Variants in MACROD2 observed in about 807,000 individuals in gnomAD.
MACROD2 encodes the protein ADP-ribose glycohydrolase MACROD2.
MACROD2 carries 36 observed loss-of-function variants against 70.4 expected under a neutral mutation model. The observed-to-expected ratio is 0.51, with a 90% CI of 0.39 to 0.68. MACROD2 has a LOEUF of 0.68. Among genes scored for constraint, MACROD2 ranks in the 30% least tolerant of loss-of-function variants. The pLI, the probability that MACROD2 is intolerant of heterozygous loss-of-function variation, is 0.00. For missense variants in MACROD2, 496 were observed against 538.4 expected (o/e 0.92, Z 0.78); for synonymous variants, 172 against 178.8 (o/e 0.96, Z 0.30).
intron 5 of MACROD2, among the ~76,000 whole-genome samples, chr20:15,031,356 C>G (rs541008125): frequency 9.2e-5 from 14 of 152,134 alleles, no homozygotes; most frequent in Non-Finnish European, 2.1e-4. Context: ...GTGTTTCAGC[C>G]CTGTTTGTGT....
At chr20:16,030,058 G>C (rs566687877) in intron 15 of MACROD2, among the ~76,000 whole-genome samples, 1 of 152,272 alleles carries the variant, frequency 6.6e-6, no homozygotes, top group African/African-American at 2.4e-5. Context: ...GGCTAAGAAA[G>C]AAAACAGCAA....
At chr20:15,744,027 C>T (rs2051143877) in intron 8 of MACROD2, among the ~76,000 whole-genome samples, 1 of 152,138 alleles carries the variant, frequency 6.6e-6, no homozygotes. Flanking sequence ...CCTTCTTTTC[C>T]ACCAGAGCTA....
At chr20:15,626,954 C>T (rs2049212439) in intron 8 of MACROD2, among the ~76,000 whole-genome samples, 1 of 151,798 alleles carries the variant, frequency 6.6e-6, no homozygotes, top group Non-Finnish European at 1.5e-5. Context: ...AATTCTAAAG[C>T]ATGAGAGAGA....
intron 5 of MACROD2, among the ~76,000 whole-genome samples, chr20:14,981,505 C>A (rs537021761): frequency 6.7e-6 from 1 of 149,898 alleles, no homozygotes; most frequent in Non-Finnish European, 1.5e-5. Context: ...ATGATTTGGC[C>A]GTGTCCCCAC....
chr20:14,327,239 G>C (rs777008938), intron 3 of MACROD2: 2 of 1,613,668 alleles, frequency 1.2e-6, no homozygotes, highest in Non-Finnish European at 1.7e-6. Flanking sequence ...TTGTGGTATA[G>C]GTATATTCTT....
intron 4 of MACROD2, among the ~76,000 whole-genome samples, chr20:14,638,248 A>C (rs1349299158): frequency 6.6e-6 from 1 of 152,178 alleles, no homozygotes; most frequent in Non-Finnish European, 1.5e-5. Flanking sequence ...GATTTTTTAA[A>C]ATATTATTAC....
At chr20:15,203,241 T>C (rs1568633815) in intron 5 of MACROD2, among the ~76,000 whole-genome samples, 1 of 152,146 alleles carries the variant, frequency 6.6e-6, no homozygotes, top group Non-Finnish European at 1.5e-5. Flanking sequence ...ACAAAGTAAA[T>C]GAGACGGACA....
At chr20:15,015,123 A>G (rs2075111552) in intron 5 of MACROD2, among the ~76,000 whole-genome samples, 1 of 152,112 alleles carries the variant, frequency 6.6e-6, no homozygotes, top group Non-Finnish European at 1.5e-5. Context: ...TATACTTATA[A>G]CACTATTATA....
intron 3 of MACROD2, among the ~76,000 whole-genome samples, chr20:14,213,220 A>G (rs552036923): frequency 6.6e-6 from 1 of 151,816 alleles, no homozygotes; most frequent in Non-Finnish European, 1.5e-5. Context: ...TTTAAAACTC[A>G]CTATAGTAAG....
intron 1 of MACROD2, among the ~76,000 whole-genome samples, chr20:13,998,334 T>C (rs1483116766): frequency 6.6e-6 from 1 of 152,104 alleles, no homozygotes; most frequent in Non-Finnish European, 1.5e-5. Flanking sequence ...CTTATTTCAT[T>C]GTTTTGTTTT....
At chr20:15,075,661 C>T (rs758526884) in intron 5 of MACROD2, among the ~76,000 whole-genome samples, 1 of 152,084 alleles carries the variant, frequency 6.6e-6, no homozygotes, top group Non-Finnish European at 1.5e-5. Flanking sequence ...CTTCATTTTC[C>T]CAGTTGCCCT....
chr20:15,556,168 T>C (rs1404830434), intron 8 of MACROD2, among the ~76,000 whole-genome samples: 3 of 152,190 alleles, frequency 2.0e-5, no homozygotes, highest in African/African-American at 7.2e-5. Context: ...AAAACAGCCA[T>C]TCTGGGAACA....
rs1569217533 is a variant in MACROD2 at position 14,230,682 on chromosome 20, TATATATATATA to T, written c.271+144955_271+144965del. On this transcript the variant is annotated intron_variant, in intron 3 of 17. Coordinates refer to ENST00000684519, the MANE Select transcript of MACROD2 (RefSeq NM_001351661.2). Reference sequence around the variant, plus strand: ...CACAGGCTGGGCCTATATATATATATATATATATATATATATATGGGCCCAGCCTATGTTAT... The same window carrying T: ...CACAGGCTGGGCCTATATATATATATTATATATGGGCCCAGCCTATGTTAT... Among the ~76,000 whole-genome samples the T allele has an allele frequency of 6.1e-5, 7 of 115,112 alleles. 1 individual carries two copies. Among genetic ancestry groups the T allele is most frequent in the Admixed American group, 2.7e-4 (3 of 11,286 alleles). The allele number at this position is 115,112 out of a possible 152,430, so 75.5% of individuals were successfully genotyped here. A position where few individuals can be genotyped will look rare whatever the true frequency, so the allele number is the denominator to read the frequency against.
intron 5 of MACROD2, among the ~76,000 whole-genome samples, chr20:14,860,498 A>G (rs442618): frequency 0.85 from 129,550 of 152,018 alleles, 55,514 homozygotes; most frequent in African/African-American, 0.88. Context: ...TGGGCAGAAA[A>G]CACCGCTGCA....
At chr20:15,878,213 C>T (rs1425107503) in intron 9 of MACROD2, among the ~76,000 whole-genome samples, 1 of 152,128 alleles carries the variant, frequency 6.6e-6, no homozygotes. Flanking sequence ...AACTGTTCCT[C>T]AAACCCAGCA....
At chr20:16,041,909 A>G (rs1364700806) in intron 16 of MACROD2, among the ~76,000 whole-genome samples, 2 of 152,024 alleles carry the variant, frequency 1.3e-5, no homozygotes, top group Non-Finnish European at 2.9e-5. Flanking sequence ...CATTACTTAC[A>G]TTAGAGAAAC....
At chr20:15,419,699 T>G (rs967308440) in intron 6 of MACROD2, among the ~76,000 whole-genome samples, 1 of 152,216 alleles carries the variant, frequency 6.6e-6, no homozygotes, top group Admixed American at 6.5e-5. Context: ...TATGTCAATT[T>G]TCCTCGGGCT....
rs868556837 is a variant in MACROD2, at chr20:15,279,856, G to A, written c.540+49795G>A. 8.5e-5 allele frequency among the ~76,000 whole-genome samples: 13 copies of A among 152,156 alleles called. No homozygotes were observed. The South Asian group carries it at 1.7e-3, about 20-fold the overall frequency. On this transcript the variant is annotated intron_variant, in intron 6 of 17. Coordinates refer to ENST00000684519, the MANE Select transcript of MACROD2 (RefSeq NM_001351661.2). ...AGTGCAAAAAAATTGACAAATTCTA[G>A]GCTTAGGATCAACATGAGGATAATA...
chr20:14,819,802 A>G (rs1407514524), intron 5 of MACROD2, among the ~76,000 whole-genome samples: 3 of 152,130 alleles, frequency 2.0e-5, no homozygotes, highest in Non-Finnish European at 4.4e-5. Context: ...GCCTTATTCT[A>G]GCATTGAAAG....
Sources: gnomAD v4.1 joint callset for allele counts (sites outside exome capture counted in the v4.1 genomes callset) on GRCh38, gnomAD v4.1.1 for gene constraint, MANE v1.5 for transcripts, NCBI Gene and HGNC (gene_info 2026-07-23, HGNC 2026-07-21) for gene names.